SULT6B1: variants seen among roughly 807,000 people sequenced by gnomAD.
SULT6B1 encodes the protein sulfotransferase 6B1.
SULT6B1 carries 44 observed loss-of-function variants against 37.2 expected under a neutral mutation model. The ratio of observed to expected loss-of-function variants is 1.18; its 90% confidence interval spans 0.93 to 1.52. The LOEUF (loss-of-function observed/expected upper bound fraction) is 1.52. Ranked by LOEUF, SULT6B1 falls within the 40% of genes most tolerant of loss-of-function variation. SULT6B1 has a pLI of 0.00. For missense variants in SULT6B1, 450 were observed against 361.0 expected (o/e 1.25, Z -2.00); for synonymous variants, 140 against 126.0 (o/e 1.11, Z -0.74).
At chr2:37,189,157 A>G (rs1300295260), upstream of SULT6B1, among the ~76,000 whole-genome samples, 4 of 152,204 alleles carry the variant, frequency 2.6e-5, no homozygotes, top group Non-Finnish European at 5.9e-5. Context: ...TAGATACACA[A>G]GTCTAAAGAC....
intron 5 of SULT6B1, among the ~76,000 whole-genome samples, chr2:37,174,151 G>A (rs970519690): frequency 1.3e-5 from 2 of 151,082 alleles, no homozygotes; most frequent in African/African-American, 4.9e-5. Context: ...TTACCTACTT[G>A]GCTCACTCCC....
At chr2:37,184,327 G>A (rs76955842) in intron 2 of SULT6B1, among the ~76,000 whole-genome samples, 3,531 of 152,242 alleles carry the variant, frequency 0.023, 63 homozygotes, top group Middle Eastern at 0.054. Context: ...TTAAATGTCC[G>A]AGAAATGTTT....
chr2:37,181,612 C>G (rs1349396771), intron 3 of SULT6B1, among the ~76,000 whole-genome samples: 1 of 137,178 alleles, frequency 7.3e-6, no homozygotes, highest in African/African-American at 2.6e-5. Flanking sequence ...AACTCCTGGG[C>G]TCAAGCGATC....
rs1676598644 is a variant in SULT6B1 at position 37,183,430 on chromosome 2, C to T, written c.397G>A (p.Ala133Thr). The change falls in exon 3 of 7, where the codon GCC becomes ACC. Residue 133 changes from alanine to threonine, a missense_variant. Transcript: ENST00000535679. Reference protein sequence around the residue: ...KLPGSIFENKAKILVIFRNPK... With the variant: ...KLPGSIFENKTKILVIFRNPK... ...CAGTAGGAAAGGACACTCACCTTGG[C>T]TTTATTCTCGAAGATAGACCCAGGT... The T allele has an allele frequency of 2.5e-6, 4 of 1,613,388 alleles. No homozygotes were observed. The highest frequency in any genetic ancestry group is 3.4e-6 in the Non-Finnish European group (4 of 1,179,392).
chr2:37,177,833 A>G (rs1438919967), intron 4 of SULT6B1, among the ~76,000 whole-genome samples: 1 of 152,212 alleles, frequency 6.6e-6, no homozygotes, highest in Non-Finnish European at 1.5e-5. Context: ...CACCTTAAAT[A>G]TATACAACAA....
rs568591707 is a variant in SULT6B1 at position 37,172,008 on chromosome 2, C to G, written c.625-418G>C. On this transcript the variant is annotated intron_variant, in intron 5 of 6. Coordinates refer to ENST00000535679, the MANE Select transcript of SULT6B1 (RefSeq NM_001367551.1). Reference sequence around the variant, plus strand: ...TCTATTTATAGCTAATGTTTAATTCCATTAAGAAAGTCTAATTTTTAGAAT... The same window carrying G: ...TCTATTTATAGCTAATGTTTAATTCGATTAAGAAAGTCTAATTTTTAGAAT... Among the ~76,000 whole-genome samples the G allele has an allele frequency of 2.6e-5, 4 of 151,814 alleles. No homozygotes were observed. The East Asian group carries it at 7.7e-4, about 29-fold the overall frequency.
At chr2:37,193,434 C>T (rs1192829441), upstream of SULT6B1, among the ~76,000 whole-genome samples, 4 of 151,728 alleles carry the variant, frequency 2.6e-5, no homozygotes, top group Admixed American at 1.3e-4. Context: ...TGCACTCCAG[C>T]CCGGGTGACA....
At chr2:37,177,571 A>G (rs73924991) in intron 4 of SULT6B1, among the ~76,000 whole-genome samples, 21,512 of 152,132 alleles carry the variant, frequency 0.14, 2,611 homozygotes, top group African/African-American at 0.33. Context: ...ACAGAAGTCA[A>G]AAGGTACAAA....
intron 6 of SULT6B1, among the ~76,000 whole-genome samples, chr2:37,169,642 C>T (rs549019728): frequency 6.6e-6 from 1 of 152,116 alleles, no homozygotes; most frequent in African/African-American, 2.4e-5. Flanking sequence ...GCGCCCGCCA[C>T]CACGTCCAGC....
At chr2:37,178,983 G>C (rs1243780784) in intron 4 of SULT6B1, among the ~76,000 whole-genome samples, 1 of 148,920 alleles carries the variant, frequency 6.7e-6, no homozygotes, top group Non-Finnish European at 1.5e-5. Flanking sequence ...GTTTTTTTGA[G>C]ACAGAGTCTC....
intron 5 of SULT6B1, among the ~76,000 whole-genome samples, chr2:37,173,107 C>T (rs1676342097): frequency 6.6e-6 from 1 of 152,012 alleles, no homozygotes; most frequent in Non-Finnish European, 1.5e-5. Flanking sequence ...CCTGCCTCGG[C>T]CTCTCAAAGT....
At chr2:37,183,315 A>G (rs1297510516) in intron 3 of SULT6B1, 110 bp downstream of exon 3, 9 of 828,618 alleles carry the variant, frequency 1.1e-5, no homozygotes, top group Non-Finnish European at 1.7e-5. Flanking sequence ...TAAATGTCAC[A>G]GTTCATTTAT....
intron 4 of SULT6B1, among the ~76,000 whole-genome samples, chr2:37,176,452 G>T (rs1055943043): frequency 6.6e-6 from 1 of 151,750 alleles, no homozygotes; most frequent in African/African-American, 2.4e-5. Flanking sequence ...TAGAGACGAG[G>T]TTTCACCATA....
At position 37,171,475 on chromosome 2, in the gene SULT6B1, T is replaced by A. The variant is rs1436043584; in HGVS notation, c.740A>T (p.Gln247Leu). ...TGGGCCGACAGCACCGTGTGTGTCC[T>A]GAGACTTCGCACGCATGGCTTGGAA... ...STFQAMRAKSQDTHGAVGPFL... is the reference protein window; with the variant it reads ...STFQAMRAKSLDTHGAVGPFL... Residue 247 changes from glutamine (Q) to leucine (L), a missense_variant, in exon 6 of 7, where the codon CAG becomes CTG. Coordinates refer to ENST00000535679, the MANE Select transcript of SULT6B1 (RefSeq NM_001367551.1). 1.9e-6 allele frequency: 3 copies of A among 1,614,176 alleles called. No individual in the cohort carries two copies. The highest frequency in any genetic ancestry group is 1.7e-5 in the Admixed American group (1 of 60,022).
intron 1 of SULT6B1, among the ~76,000 whole-genome samples, chr2:37,194,097 A>G (rs1278481614): frequency 6.6e-6 from 1 of 152,150 alleles, no homozygotes; most frequent in Non-Finnish European, 1.5e-5. Flanking sequence ...TTTTCGTGAA[A>G]GAAATTTTAT....
intron 1 of SULT6B1, 105 bp downstream of exon 1, chr2:37,188,337 C>T: frequency 1.1e-6 from 1 of 905,996 alleles, no homozygotes; most frequent in Non-Finnish European, 1.7e-6. Flanking sequence ...GATGCTCAGA[C>T]AGATTCCTGC....
chr2:37,169,566 T>G (rs1676251388), intron 6 of SULT6B1, among the ~76,000 whole-genome samples: 1 of 152,216 alleles, frequency 6.6e-6, no homozygotes, highest in Admixed American at 6.5e-5. Context: ...CTTGGCTCAC[T>G]GCAACCTCCA....
intron 4 of SULT6B1, among the ~76,000 whole-genome samples, chr2:37,175,916 CACTT>C (rs1021725376): frequency 1.3e-5 from 2 of 152,230 alleles, no homozygotes; most frequent in African/African-American, 4.8e-5. Context: ...CAACTTATTA[CACTT>C]ACTTAAAAGT....
intron 3 of SULT6B1, among the ~76,000 whole-genome samples, chr2:37,180,190 G>C (rs1338781240): frequency 6.6e-6 from 1 of 152,180 alleles, no homozygotes; most frequent in African/African-American, 2.4e-5. Context: ...CAGCCTTCTG[G>C]CCTGAAGCCT....
Sources: gnomAD v4.1 joint callset for allele counts (sites outside exome capture counted in the v4.1 genomes callset) on GRCh38, gnomAD v4.1.1 for gene constraint, MANE v1.5 for transcripts, NCBI Gene and HGNC (gene_info 2026-07-23, HGNC 2026-07-21) for gene names.